Variants in CDK14 observed in about 807,000 individuals in gnomAD.
CDK14 encodes the protein cyclin-dependent kinase 14.
In CDK14, 34 loss-of-function variants were observed where a neutral mutation model predicts 60.7. The observed-to-expected ratio is 0.56, with a 90% CI of 0.43 to 0.75. CDK14 has a LOEUF of 0.75. Ranked by LOEUF, CDK14 falls within the 30% of genes least tolerant of loss-of-function variation. CDK14 has a pLI of 0.00. For missense variants in CDK14, 482 were observed against 564.1 expected (o/e 0.85, Z 1.47); for synonymous variants, 197 against 203.7 (o/e 0.97, Z 0.28).
At chr7:90,876,364 C>A (rs1791563424) in intron 6 of CDK14, among the ~76,000 whole-genome samples, 1 of 152,152 alleles carries the variant, frequency 6.6e-6, no homozygotes, top group African/African-American at 2.4e-5. Context: ...AGTTTGGACA[C>A]CCTCTGTTTT....
rs567953945 is a variant in CDK14, at chr7:90,909,694, G to T, written c.703-7907G>T. ...GTAGAAAGAGAGTGTGGAATGGAAG[G>T]CCAACTTACTTGGTAAGCTAAGCAG... On this transcript the variant is annotated intron_variant, in intron 7 of 14. Coordinates refer to ENST00000380050, the MANE Select transcript of CDK14 (RefSeq NM_001287135.2). Among the ~76,000 whole-genome samples the T allele has an allele frequency of 3.9e-5, 6 of 152,154 alleles. No individual in the cohort carries two copies. The South Asian group carries it at 1.2e-3, about 32-fold the overall frequency.
chr7:90,750,801 A>G (rs1452704585), intron 4 of CDK14, among the ~76,000 whole-genome samples: 1 of 152,026 alleles, frequency 6.6e-6, no homozygotes, highest in African/African-American at 2.4e-5. Flanking sequence ...TGAACCTGCG[A>G]GGCGGAGGTT....
intron 8 of CDK14, among the ~76,000 whole-genome samples, chr7:90,919,825 T>C (rs1025341007): frequency 6.6e-6 from 1 of 152,264 alleles, no homozygotes; most frequent in East Asian, 1.9e-4. Context: ...TTATGCTCAG[T>C]CCTGTACTGA....
chr7:91,195,843 C>T (rs1386043424), intron 14 of CDK14, among the ~76,000 whole-genome samples: 1 of 152,168 alleles, frequency 6.6e-6, no homozygotes, highest in Non-Finnish European at 1.5e-5. Context: ...AAGCCCAGAC[C>T]CCTAAGCAGG....
intron 8 of CDK14, among the ~76,000 whole-genome samples, chr7:90,935,635 A>G (rs1222862649): frequency 2.0e-5 from 3 of 152,198 alleles, no homozygotes; most frequent in African/African-American, 4.8e-5. Context: ...TACCAATGAT[A>G]ACATGCATTC....
intron 4 of CDK14, among the ~76,000 whole-genome samples, chr7:90,784,592 G>C (rs1345713113): frequency 6.6e-6 from 1 of 152,126 alleles, no homozygotes; most frequent in Non-Finnish European, 1.5e-5. Context: ...AGACAAACTA[G>C]TTTTAGTCTT....
chr7:91,118,416 A>G lies in CDK14; in HGVS notation c.*28+208A>G, dbSNP rs1019986408. Among the ~76,000 whole-genome samples, 3 of 152,278 alleles carry G rather than the reference A, an allele frequency of 2.0e-5. 1 individual carries two copies. Among genetic ancestry groups the G allele is most frequent in the Admixed American group, 2.0e-4 (3 of 15,284 alleles). ...CTAGATTCTAACTAAAATTATACTT[A>G]TGCTTTTATTTATGTAGTCATAGGC... On this transcript the variant is annotated intron_variant, in intron 14 of 14. Transcript: ENST00000380050.
At chr7:90,657,099 T>A (rs1800768272) in intron 2 of CDK14, among the ~76,000 whole-genome samples, 1 of 152,318 alleles carries the variant, frequency 6.6e-6, no homozygotes, top group Middle Eastern at 3.4e-3. Flanking sequence ...GATTAGAAAT[T>A]CCTGTTTCTC....
intron 5 of CDK14, among the ~76,000 whole-genome samples, chr7:90,837,493 C>T (rs1790146937): frequency 6.6e-6 from 1 of 151,966 alleles, no homozygotes; most frequent in South Asian, 2.1e-4. Flanking sequence ...TTCTAGACAG[C>T]AGAATGATAA....
chr7:90,897,618 G>A (rs953666107), intron 6 of CDK14, among the ~76,000 whole-genome samples: 3 of 151,980 alleles, frequency 2.0e-5, no homozygotes, highest in Admixed American at 6.6e-5. Context: ...CGTTCTCTGA[G>A]GATGGTGTTA....
chr7:91,132,290 G>C (rs879853367), intron 14 of CDK14, among the ~76,000 whole-genome samples: 5 of 152,148 alleles, frequency 3.3e-5, no homozygotes, highest in Admixed American at 3.3e-4. Context: ...GGAGGAGAAG[G>C]ATGTTTTCAA....
At chr7:90,735,990 C>T (rs537108971) in intron 3 of CDK14, among the ~76,000 whole-genome samples, 1 of 152,350 alleles carries the variant, frequency 6.6e-6, no homozygotes, top group South Asian at 2.1e-4. Flanking sequence ...CTTCCGGTTG[C>T]AAACACTGTG....
At chr7:90,812,623 TA>T (rs1174129836) in intron 5 of CDK14, among the ~76,000 whole-genome samples, 1 of 151,880 alleles carries the variant, frequency 6.6e-6, no homozygotes, top group Non-Finnish European at 1.5e-5. Flanking sequence ...ATAATAATAA[TA>T]AAAAAAGAAA....
intron 7 of CDK14, 112 bp from the exon 8 acceptor site, chr7:90,917,489 G>T: frequency 3.5e-6 from 3 of 858,776 alleles, no homozygotes; most frequent in Non-Finnish European, 3.5e-6. Context: ...TAGAAAATTT[G>T]GTGATGGTTA....
intron 2 of CDK14, among the ~76,000 whole-genome samples, chr7:90,724,078 G>A (rs185975173): frequency 9.7e-4 from 147 of 151,014 alleles, no homozygotes; most frequent in Admixed American, 4.5e-3. Flanking sequence ...TTATCTTTGT[G>A]GTAATGTTTT....
chr7:90,738,460 T>A (rs1271511436), intron 3 of CDK14, among the ~76,000 whole-genome samples: 1 of 152,220 alleles, frequency 6.6e-6, no homozygotes, highest in African/African-American at 2.4e-5. Context: ...ATTGTTCAGC[T>A]GGAACATTAT....
intron 8 of CDK14, among the ~76,000 whole-genome samples, chr7:90,951,914 T>C (rs1794274603): frequency 6.6e-6 from 1 of 152,048 alleles, no homozygotes; most frequent in Admixed American, 6.6e-5. Context: ...GGAGGTAAAA[T>C]CTTGGGAGAA....
chr7:91,061,108 C>T (rs1345301760), intron 11 of CDK14, among the ~76,000 whole-genome samples: 2 of 152,152 alleles, frequency 1.3e-5, no homozygotes, highest in Non-Finnish European at 2.9e-5. Context: ...TCTTTGTATT[C>T]TTTTTTCTCT....
chr7:90,747,235 C>T, intron 3 of CDK14, among the ~76,000 whole-genome samples: 1 of 152,106 alleles, frequency 6.6e-6, no homozygotes, highest in Non-Finnish European at 1.5e-5. Flanking sequence ...TATACAAAAA[C>T]AGGTGGTGGG....
Sources: allele counts gnomAD v4.1 joint callset (sites outside exome capture counted in the v4.1 genomes callset), GRCh38; gene constraint gnomAD v4.1.1; transcripts MANE v1.5; gene names NCBI Gene and HGNC (gene_info 2026-07-23, HGNC 2026-07-21).